Variants in DCBLD2 observed in about 807,000 individuals in gnomAD.
DCBLD2 encodes the protein discoidin, CUB and LCCL domain containing 2.
DCBLD2 carries 54 observed loss-of-function variants against 86.8 expected under a neutral mutation model. That is an observed-to-expected ratio of 0.62 (90% CI 0.50 to 0.78). The LOEUF (loss-of-function observed/expected upper bound fraction) is 0.78, where lower values mean the gene tolerates loss of function less well. DCBLD2 is among the 30% of genes least tolerant of loss of function. The pLI is 0.00. For synonymous variants in DCBLD2, 354 were observed against 341.3 expected, an observed-to-expected ratio of 1.04 and a Z score of -0.41; for missense variants, 908 against 954.2, an observed-to-expected ratio of 0.95 and a Z score of 0.64.
Position 98,811,461 on chromosome 3 carries a change from G to A in DCBLD2, c.1450+7C>T. The A allele has an allele frequency of 6.2e-7, 1 of 1,613,454 alleles. No homozygotes were observed. Among genetic ancestry groups the A allele is most frequent in the Non-Finnish European group, 8.5e-7 (1 of 1,179,598 alleles). ...ATATCAAATTCTCACATTAAAAACA[G>A]GCATACCTTTGGCTATTTTTGGAGG... is the stretch of plus-strand genomic sequence containing the variant. On this transcript the variant is annotated splice_region_variant and intron_variant, in intron 11 of 15. Transcript: ENST00000326840.
chr3:98,862,545 G>A (rs1013464659), intron 2 of DCBLD2, among the ~76,000 whole-genome samples: 3 of 152,108 alleles, frequency 2.0e-5, no homozygotes, highest in African/African-American at 7.2e-5. Context: ...TTCATCTCTG[G>A]GATGCAAGGC....
chr3:98,881,026 C>T (rs907560175), intron 2 of DCBLD2, among the ~76,000 whole-genome samples: 8 of 151,930 alleles, frequency 5.3e-5, no homozygotes, highest in African/African-American at 1.5e-4. Context: ...GGTGGATCAC[C>T]TGAGGCTGGA....
intron 3 of DCBLD2, among the ~76,000 whole-genome samples, chr3:98,835,934 C>CTT (rs1339045901): frequency 2.7e-4 from 7 of 26,168 alleles, no homozygotes; most frequent in African/African-American, 9.2e-4. Flanking sequence ...TCCTTCCTTT[C>CTT]TTTCTTTTTT....
intron 9 of DCBLD2, among the ~76,000 whole-genome samples, chr3:98,816,579 G>C (rs542448079): frequency 3.9e-5 from 6 of 152,232 alleles, no homozygotes; most frequent in African/African-American, 1.4e-4. Context: ...ACGCCAAGTA[G>C]AAGAGAAGAA....
rs537819091 is a variant in DCBLD2 at position 98,872,076 on chromosome 3, C to T, written c.433+9464G>A. Among the ~76,000 whole-genome samples, 6 of 152,304 alleles carry T rather than the reference C, an allele frequency of 3.9e-5. No homozygotes were observed. In the South Asian group the frequency reaches 1.2e-3, roughly 32 times the overall value. ...CTCTAGACTTTCTAGTTTGTGTGCA[C>T]AGACATATTCACAGTAGTCTTAGAT... On this transcript the variant is annotated intron_variant, in intron 2 of 15. Coordinates refer to ENST00000326840, the MANE Select transcript of DCBLD2 (RefSeq NM_080927.4).
At chr3:98,859,779 CAG>C (rs1943005186) in intron 2 of DCBLD2, among the ~76,000 whole-genome samples, 1 of 152,160 alleles carries the variant, frequency 6.6e-6, no homozygotes, top group African/African-American at 2.4e-5. Flanking sequence ...GGGGAAAAAA[CAG>C]AGCAGAAAAT....
chr3:98,863,215 G>C (rs141830606), intron 2 of DCBLD2, among the ~76,000 whole-genome samples: 53 of 151,882 alleles, frequency 3.5e-4, no homozygotes, highest in African/African-American at 1.2e-3. Context: ...CTCAACAAAA[G>C]AGGTCAACAA....
chr3:98,831,507 GTTGGTTTGCTC>G (rs1942322747), intron 3 of DCBLD2, among the ~76,000 whole-genome samples: 1 of 152,064 alleles, frequency 6.6e-6, no homozygotes, highest in African/African-American at 2.4e-5. Context: ...TAGCTTTAAG[GTTGGTTTGCTC>G]TTACTTTTCT....
chr3:98,879,802 C>T (rs565265801), intron 2 of DCBLD2, among the ~76,000 whole-genome samples: 83 of 152,212 alleles, frequency 5.5e-4, no homozygotes, highest in African/African-American at 1.5e-3. Context: ...GAAACTAGGT[C>T]GTTTGTTCTA....
Position 98,796,372 on chromosome 3 carries a change from T to C in DCBLD2, c.*3000A>G, listed in dbSNP as rs1371708972. The C allele has an allele frequency of 6.6e-6, 1 of 152,656 alleles. No individual in the cohort carries two copies. Among genetic ancestry groups the C allele is most frequent in the Non-Finnish European group, 1.5e-5 (1 of 68,046 alleles). 9.5% of individuals were successfully genotyped at this position (152,656 alleles called of 1,614,324 possible). A position where few individuals can be genotyped will look rare whatever the true frequency, so the allele number is the denominator to read the frequency against. ...CTCTTAGATTTTGCAGTTTAGGGAC[T>C]TCAAGTTCAGAACCAAAAAGCAGAG... On this transcript the variant is annotated 3_prime_UTR_variant, in exon 16 of 16. Transcript: ENST00000326840.
chr3:98,825,225 C>A, intron 4 of DCBLD2, 90 bp downstream of exon 4: 2 of 987,278 alleles, frequency 2.0e-6, no homozygotes. Context: ...TATACATTAA[C>A]CCTAAGAGTA....
chr3:98,838,179 T>TCG (rs1942518708), intron 3 of DCBLD2, among the ~76,000 whole-genome samples: 2 of 118,378 alleles, frequency 1.7e-5, no homozygotes, highest in Non-Finnish European at 1.9e-5. Flanking sequence ...ACGGGGTGGC[T>TCG]GCCGGGCGGA....
intron 3 of DCBLD2, among the ~76,000 whole-genome samples, chr3:98,845,196 T>C (rs1942697689): frequency 6.6e-6 from 1 of 152,142 alleles, no homozygotes; most frequent in African/African-American, 2.4e-5. Flanking sequence ...CTGAAAACTA[T>C]TGCTCAAAGA....
intron 6 of DCBLD2, among the ~76,000 whole-genome samples, chr3:98,821,371 AT>A (rs1343925294): frequency 1.3e-5 from 2 of 152,202 alleles, no homozygotes; most frequent in Non-Finnish European, 2.9e-5. Flanking sequence ...TAATGTTTCA[AT>A]TTCTCTTGCT....
intron 8 of DCBLD2, 84 bp downstream of exon 8, chr3:98,819,118 T>G: frequency 1.5e-6 from 2 of 1,331,656 alleles, no homozygotes; most frequent in Non-Finnish European, 2.0e-6. Context: ...AATGCCTTAA[T>G]TTTCTCTGAA....
At chr3:98,844,947 T>C (rs998579675) in intron 3 of DCBLD2, among the ~76,000 whole-genome samples, 2 of 152,196 alleles carry the variant, frequency 1.3e-5, no homozygotes, top group South Asian at 2.1e-4. Context: ...ATGAGGACTA[T>C]AGATGTGGTT....
At chr3:98,863,991 G>T (rs1377039401) in intron 2 of DCBLD2, among the ~76,000 whole-genome samples, 1 of 152,086 alleles carries the variant, frequency 6.6e-6, no homozygotes, top group Non-Finnish European at 1.5e-5. Flanking sequence ...AATCTACAAA[G>T]AACTCAAACA....
In DCBLD2 at chr3:98,811,474, CT is replaced by C; in HGVS notation, c.1443del (p.Ile481MetfsTer39). 1 of 1,613,560 alleles carries C rather than the reference CT, an allele frequency of 6.2e-7. No individual in the cohort carries two copies. Among genetic ancestry groups the C allele is most frequent in the Non-Finnish European group, 8.5e-7 (1 of 1,179,658 alleles). On this transcript the variant is annotated frameshift_variant, in exon 11 of 16. Transcript: ENST00000326840. LOFTEE classifies it high-confidence loss of function. ...ACATTAAAAACAGGCATACCTTTGG[CT>C]ATTTTTGGAGGGGCTGTAGTGTTTT... ...DLKNTTAPPK[I>X]AKGRAPKFTQ... is the part of the protein sequence containing the mutation.
chr3:98,821,901 C>T (rs1174313533), intron 6 of DCBLD2, among the ~76,000 whole-genome samples: 2 of 152,070 alleles, frequency 1.3e-5, no homozygotes, highest in African/African-American at 4.8e-5. Flanking sequence ...CAAAAGTTAG[C>T]CAGGCGTGGT....
Sources: allele counts gnomAD v4.1 joint callset (sites outside exome capture counted in the v4.1 genomes callset), GRCh38; gene constraint gnomAD v4.1.1; transcripts MANE v1.5; gene names NCBI Gene and HGNC (gene_info 2026-07-23, HGNC 2026-07-21).